Variants in EBF3 observed in about 807,000 individuals in gnomAD.
EBF3 encodes EBF transcription factor 3.
In EBF3, 18 loss-of-function variants were observed where a neutral mutation model predicts 77.1. The observed-to-expected ratio is 0.23, with a 90% CI of 0.16 to 0.35. The LOEUF (loss-of-function observed/expected upper bound fraction) is 0.35, where lower values mean the gene tolerates loss of function less well. Ranked by LOEUF, EBF3 falls within the 10% of genes least tolerant of loss-of-function variation. The probability of loss-of-function intolerance (pLI) is 1.00; values close to 1 mark genes in which losing one functional copy is unlikely to be tolerated. For missense variants in EBF3, 558 were observed against 860.0 expected (o/e 0.65, Z 4.39); for synonymous variants, 350 against 343.5 (o/e 1.02, Z -0.21).
At chr10:129,962,037 T>C in intron 4 of EBF3, 134 bp downstream of exon 4, 6 of 769,186 alleles carry the variant, frequency 7.8e-6, no homozygotes, top group Middle Eastern at 5.0e-4. Flanking sequence ...AAATATGGAA[T>C]TCTCATTAGC....
intron 6 of EBF3, among the ~76,000 whole-genome samples, chr10:129,926,755 C>T (rs1489758765): frequency 2.6e-5 from 4 of 152,206 alleles, no homozygotes; most frequent in Non-Finnish European, 5.9e-5. Context: ...GATGCCCCTC[C>T]GCTGGAGGGG....
At chr10:129,957,073 G>A (rs1175608340) in intron 6 of EBF3, among the ~76,000 whole-genome samples, 185 bp downstream of exon 6, 1 of 152,186 alleles carries the variant, frequency 6.6e-6, no homozygotes, top group African/African-American at 2.4e-5. Context: ...TCCCCACAGA[G>A]CGAGCCACCA....
intron 6 of EBF3, among the ~76,000 whole-genome samples, chr10:129,908,879 C>T (rs1855326633): frequency 6.6e-6 from 1 of 152,168 alleles, no homozygotes; most frequent in Non-Finnish European, 1.5e-5. Context: ...GCCCATAAGT[C>T]GACTCTTTGC....
At chr10:129,941,376 C>T (rs1484511351) in intron 6 of EBF3, among the ~76,000 whole-genome samples, 5 of 152,362 alleles carry the variant, frequency 3.3e-5, no homozygotes, top group Middle Eastern at 3.4e-3. Flanking sequence ...GTCTGTTCTG[C>T]CCCGGTCATC....
In EBF3 at chr10:129,926,370, C is replaced by G. The variant is rs142976555; in HGVS notation, c.554+30888G>C. Among the ~76,000 whole-genome samples, 518 of 152,266 alleles carry G rather than the reference C, an allele frequency of 3.4e-3. 4 individuals are homozygous for G. Among genetic ancestry groups the G allele is most frequent in the African/African-American group, 0.012 (489 of 41,564 alleles). ...CTAGAGAGTGATGCACACGGCCTGG[C>G]TGGTGTGAAGGTGGGGGTGCAGGGA... On this transcript the variant is annotated intron_variant, in intron 6 of 16. Transcript: ENST00000440978.
rs565154891 is a variant in EBF3 at position 129,920,913 on chromosome 10, G to T, written c.554+36345C>A. 2.6e-5 allele frequency among the ~76,000 whole-genome samples: 4 copies of T among 152,256 alleles called. No homozygotes were observed. In the East Asian group the frequency reaches 7.8e-4, roughly 30 times the overall value. The stretch of plus-strand genomic sequence containing the variant: ...GGCAGTCCTAGCTCTCCTGCCTGAG[G>T]TTTGGTTTCCTCATCCTCAAAATGG... On this transcript the variant is annotated intron_variant, in intron 6 of 16. Coordinates refer to ENST00000440978, the MANE Select transcript of EBF3 (RefSeq NM_001375380.1).
rs1002361651 is a variant in EBF3, at chr10:129,943,690, C to A, written c.554+13568G>T. On this transcript the variant is annotated intron_variant, in intron 6 of 16. Coordinates refer to ENST00000440978, the MANE Select transcript of EBF3 (RefSeq NM_001375380.1). The surrounding 1 kb of genome is among the most constrained non-coding windows in gnomAD (Gnocchi z 8.8). ...TTTCCTTCAGACATTTTTTTTTTAC[C>A]TCTGCTATGAATTAAAAGAATTGCT... 6.6e-6 allele frequency among the ~76,000 whole-genome samples: 1 copy of A among 151,448 alleles called. No individual in the cohort carries two copies. Among genetic ancestry groups the A allele is most frequent in the Non-Finnish European group, 1.5e-5 (1 of 67,938 alleles).
chr10:129,854,425 G>A lies in EBF3; in HGVS notation c.1040-5945C>T, dbSNP rs144011255. ...CCAGGGCAGCTGAGAGGAGGGCTAC[G>A]TTTTAGATGGGTTTTTGCTTTCATA... On this transcript the variant is annotated intron_variant, in intron 10 of 16. Transcript: ENST00000440978. 1.4e-3 allele frequency among the ~76,000 whole-genome samples: 207 copies of A among 152,060 alleles called. 1 individual carries two copies. The highest frequency in any genetic ancestry group is 4.8e-3 in the African/African-American group (197 of 41,444).
intron 6 of EBF3, among the ~76,000 whole-genome samples, chr10:129,950,165 G>T (rs918149508): frequency 6.6e-6 from 1 of 152,130 alleles, no homozygotes; most frequent in Non-Finnish European, 1.5e-5. Context: ...TTCCGTTCGC[G>T]GGGCCTGGGC....
intron 6 of EBF3, among the ~76,000 whole-genome samples, chr10:129,925,861 G>A (rs1374084757): frequency 2.6e-5 from 4 of 152,256 alleles, no homozygotes; most frequent in African/African-American, 4.8e-5. Flanking sequence ...TAGTGCACGA[G>A]AATTCTCAAA....
At chr10:129,849,725 G>A (rs1850727345) in intron 10 of EBF3, among the ~76,000 whole-genome samples, 1 of 152,226 alleles carries the variant, frequency 6.6e-6, no homozygotes, top group Non-Finnish European at 1.5e-5. Context: ...GGTCCGCACA[G>A]GAATGTGAAG....
intron 6 of EBF3, among the ~76,000 whole-genome samples, chr10:129,899,669 A>C (rs574837993): frequency 9.3e-4 from 142 of 152,262 alleles, no homozygotes; most frequent in African/African-American, 3.0e-3. Context: ...AGGTGAGGAC[A>C]CACCAGGGGC....
At chr10:129,847,001 G>A (rs1271378157) in intron 11 of EBF3, among the ~76,000 whole-genome samples, 1 of 152,136 alleles carries the variant, frequency 6.6e-6, no homozygotes, top group Non-Finnish European at 1.5e-5. Flanking sequence ...GGGGCTCAGG[G>A]AAAGAAGGTG....
At chr10:129,957,428 A>G in intron 5 of EBF3, 102 bp from the exon 6 acceptor site, 1 of 934,330 alleles carries the variant, frequency 1.1e-6, no homozygotes, top group Admixed American at 2.3e-5. Flanking sequence ...AAGCGGTAGG[A>G]GTCAACTACC....
chr10:129,877,635 A>G lies in EBF3; in HGVS notation c.636+133T>C, dbSNP rs192675373. 3.4e-5 allele frequency: 23 copies of G among 677,714 alleles called. No individual in the cohort carries two copies. In the African/African-American group the frequency reaches 3.4e-4, roughly 10 times the overall value. 42.0% of individuals were successfully genotyped at this position (677,714 alleles called of 1,614,324 possible). On this transcript the variant is annotated intron_variant, in intron 7 of 16. Coordinates refer to ENST00000440978, the MANE Select transcript of EBF3 (RefSeq NM_001375380.1). ...CATTTTATTTGCATATTTTTATCAA[A>G]TGCACCAATTCCAGTTTGCTTCCAA...
chr10:129,837,874 T>C lies in EBF3; in HGVS notation c.*69A>G. The C allele has an allele frequency of 1.9e-6, 3 of 1,609,988 alleles. No individual in the cohort carries two copies. The highest frequency in any genetic ancestry group is 2.6e-6 in the Non-Finnish European group (3 of 1,176,408). The stretch of plus-strand genomic sequence containing the variant: ...AGCATGTCTTAATATACTAAACGTG[T>C]CCCCTGAAGTCCGTCCTTTGATGCT... On this transcript the variant is annotated 3_prime_UTR_variant, in exon 17 of 17. Coordinates refer to ENST00000440978, the MANE Select transcript of EBF3 (RefSeq NM_001375380.1).
chr10:129,889,750 G>C (rs1388527669), intron 6 of EBF3, among the ~76,000 whole-genome samples: 1 of 150,176 alleles, frequency 6.7e-6, no homozygotes, highest in Non-Finnish European at 1.5e-5. Context: ...GTGCAGGGAG[G>C]GGAAGTAGGC....
intron 6 of EBF3, among the ~76,000 whole-genome samples, chr10:129,941,632 G>A (rs1046216836): frequency 2.0e-5 from 3 of 152,228 alleles, no homozygotes; most frequent in Non-Finnish European, 4.4e-5. Context: ...AGGTGAGCAG[G>A]CAGAGGTGGC....
chr10:129,923,316 A>G (rs2134370363), intron 6 of EBF3, among the ~76,000 whole-genome samples: 1 of 152,330 alleles, frequency 6.6e-6, no homozygotes, highest in Admixed American at 6.5e-5. Context: ...GACACTCAGT[A>G]AAACATACTG....
Sources: gnomAD v4.1 joint callset for allele counts (sites outside exome capture counted in the v4.1 genomes callset) on GRCh38, gnomAD v4.1.1 for gene constraint, Gnocchi (gnomAD v3.1) non-coding constraint, MANE v1.5 for transcripts, NCBI Gene and HGNC (gene_info 2026-07-23, HGNC 2026-07-21) for gene names.